Variants in BPTF observed in about 807,000 individuals in gnomAD.
BPTF encodes nucleosome-remodeling factor subunit BPTF.
BPTF carries 18 observed loss-of-function variants against 292.5 expected under a neutral mutation model. That is an observed-to-expected ratio of 0.06 (90% confidence interval 0.04 to 0.09). BPTF has a LOEUF of 0.09. Ranked by LOEUF, BPTF falls within the 10% of genes least tolerant of loss-of-function variation. The probability of loss-of-function intolerance (pLI) is 1.00; values close to 1 mark genes in which losing one functional copy is unlikely to be tolerated. For missense variants in BPTF, 2,726 were observed against 3,498.7 expected (o/e 0.78, Z 5.57); for synonymous variants, 1,225 against 1,251.9 (o/e 0.98, Z 0.45).
chr17:67,954,108 T>C (rs2066691939), intron 23 of BPTF, among the ~76,000 whole-genome samples: 1 of 49,398 alleles, frequency 2.0e-5, no homozygotes, highest in Non-Finnish European at 6.0e-5. Flanking sequence ...CGCCTCAGCC[T>C]CCCAAGCAGC....
chr17:67,964,747 TC>T (rs1418084985), intron 25 of BPTF, among the ~76,000 whole-genome samples: 1 of 152,170 alleles, frequency 6.6e-6, no homozygotes, highest in Non-Finnish European at 1.5e-5. Context: ...ATGCCTGTAA[TC>T]CCAGCACTTT....
At chr17:67,828,288 G>A (rs2056306381) in intron 1 of BPTF, among the ~76,000 whole-genome samples, 1 of 152,030 alleles carries the variant, frequency 6.6e-6, no homozygotes, top group African/African-American at 2.4e-5. Context: ...GGTCTTCTTT[G>A]CACCCAGAGC....
chr17:67,979,169 C>CAAAAAAAAAAAAAAAAAAA lies in BPTF; in HGVS notation c.8727-3080_8727-3062dup, dbSNP rs11376410. 1.7e-3 allele frequency among the ~76,000 whole-genome samples: 120 copies of CAAAAAAAAAAAAAAAAAAA among 72,560 alleles called. 9 individuals are homozygous for CAAAAAAAAAAAAAAAAAAA. Among genetic ancestry groups the CAAAAAAAAAAAAAAAAAAA allele is most frequent in the African/African-American group, 8.6e-3 (108 of 12,496 alleles). The allele number at this position is 72,560 out of a possible 152,430, so 47.6% of individuals were successfully genotyped here. ...TGGAAGACACAACAAGACCCTGTCT[C>CAAAAAAAAAAAAAAAAAAA]AAAAAAAAAAAAAAAAAAAAAGGCC... is the stretch of plus-strand genomic sequence containing the variant. On this transcript the variant is annotated intron_variant, in intron 27 of 27. Coordinates refer to ENST00000306378, the MANE Select transcript of BPTF (RefSeq NM_182641.4).
intron 2 of BPTF, among the ~76,000 whole-genome samples, chr17:67,857,393 C>T (rs2058761316): frequency 6.6e-6 from 1 of 151,412 alleles, no homozygotes; most frequent in African/African-American, 2.4e-5. Flanking sequence ...ATCTCCTGAC[C>T]TTGTGATCTG....
At chr17:67,940,362 G>A in intron 18 of BPTF, 77 bp from the exon 19 acceptor site, 4 of 1,258,880 alleles carry the variant, frequency 3.2e-6, no homozygotes, top group Non-Finnish European at 4.5e-6. Flanking sequence ...ATACGTTCAT[G>A]TGAGGTGTTG....
intron 2 of BPTF, among the ~76,000 whole-genome samples, chr17:67,856,169 C>G (rs2058679395): frequency 1.3e-5 from 2 of 152,090 alleles, no homozygotes; most frequent in African/African-American, 4.8e-5. Context: ...TCCTCTTTGT[C>G]TCTTTTTCTC....
intron 2 of BPTF, among the ~76,000 whole-genome samples, chr17:67,858,503 C>T (rs563918372): frequency 4.8e-5 from 7 of 146,860 alleles, no homozygotes; most frequent in African/African-American, 1.3e-4. Flanking sequence ...TGCAATGAGC[C>T]GAGATGGCGC....
At chr17:67,924,945 C>T (rs1413200113) in intron 15 of BPTF, among the ~76,000 whole-genome samples, 5 of 151,690 alleles carry the variant, frequency 3.3e-5, no homozygotes, top group African/African-American at 7.3e-5. Flanking sequence ...GATAGGGCTT[C>T]GCCGTGTTCC....
At chr17:67,948,386 A>G in intron 23 of BPTF, 80 bp downstream of exon 23, 1 of 1,291,576 alleles carries the variant, frequency 7.7e-7, no homozygotes, top group Middle Eastern at 1.9e-4. Context: ...TTTTTAATAA[A>G]GCTTAAAATT....
At position 67,982,547 on chromosome 17, in the gene BPTF, T is replaced by C; in HGVS notation, c.*259T>C. On this transcript the variant is annotated 3_prime_UTR_variant, in exon 28 of 28. Transcript: ENST00000306378. ...GTGGCAGAAGCGAGAAAACTTTGTT[T>C]ATTGAAAAAAAAAGAAAAAGAAAGC... The C allele has an allele frequency of 1.1e-5, 4 of 353,652 alleles. No homozygotes were observed. The highest frequency in any genetic ancestry group is 1.0e-5 in the Non-Finnish European group (2 of 195,192). 21.9% of individuals were successfully genotyped at this position (353,652 alleles called of 1,614,324 possible).
At chr17:67,971,716 A>G (rs550900401) in intron 26 of BPTF, among the ~76,000 whole-genome samples, 1 of 151,020 alleles carries the variant, frequency 6.6e-6, no homozygotes, top group South Asian at 2.1e-4. Flanking sequence ...AGTCAGGAGA[A>G]TTGCTTGAAC....
At chr17:67,929,531 A>G (rs535360844) in intron 17 of BPTF, 44 bp downstream of exon 17, 2 of 1,579,444 alleles carry the variant, frequency 1.3e-6, no homozygotes, top group Non-Finnish European at 8.6e-7. Flanking sequence ...TGTTGAGCAC[A>G]TCACATTATT....
At chr17:67,875,954 C>T (rs568933661) in intron 4 of BPTF, among the ~76,000 whole-genome samples, 1 of 152,294 alleles carries the variant, frequency 6.6e-6, no homozygotes, top group South Asian at 2.1e-4. Context: ...AATTTTCATG[C>T]TTCTTAAACT....
At chr17:67,976,055 T>G in intron 27 of BPTF, 97 bp downstream of exon 27, 1 of 942,740 alleles carries the variant, frequency 1.1e-6, no homozygotes, top group Admixed American at 3.4e-5. Flanking sequence ...TATGGTAAAT[T>G]TAACCTTAAA....
intron 6 of BPTF, 43 bp downstream of exon 6, chr17:67,893,768 A>G (rs1171262171): frequency 1.4e-6 from 2 of 1,382,546 alleles, no homozygotes; most frequent in African/African-American, 1.5e-5. Flanking sequence ...AATATACTAA[A>G]TGTTTATAAA....
At chr17:67,904,018 T>G in intron 8 of BPTF, 100 bp downstream of exon 8, 2 of 1,037,804 alleles carry the variant, frequency 1.9e-6, no homozygotes, top group Non-Finnish European at 2.8e-6. Flanking sequence ...ACATAGTCTT[T>G]GTATTTTATT....
At chr17:67,871,350 G>A (rs1252592500) in intron 3 of BPTF, among the ~76,000 whole-genome samples, 1 of 149,344 alleles carries the variant, frequency 6.7e-6, no homozygotes, top group African/African-American at 2.5e-5. Context: ...GCTGAGGCAG[G>A]AGAATTGCTT....
At chr17:67,907,469 C>A (rs1440100029) in intron 9 of BPTF, among the ~76,000 whole-genome samples, 2 of 151,620 alleles carry the variant, frequency 1.3e-5, no homozygotes, top group Non-Finnish European at 2.9e-5. Flanking sequence ...AATTCTCTTG[C>A]CTCAGCCTCC....
At chr17:67,959,459 T>C in intron 23 of BPTF, 82 bp from the exon 24 acceptor site, 2 of 1,088,442 alleles carry the variant, frequency 1.8e-6, no homozygotes, top group Non-Finnish European at 2.5e-6. Context: ...TTGACAAGAG[T>C]GGGTAGTGTA....
Sources: gnomAD v4.1 joint callset for allele counts (sites outside exome capture counted in the v4.1 genomes callset) on GRCh38, gnomAD v4.1.1 for gene constraint, MANE v1.5 for transcripts, NCBI Gene and HGNC (gene_info 2026-07-23, HGNC 2026-07-21) for gene names.